The following HNRNPLL variants were observed in gnomAD, a reference collection of about 807,000 sequenced individuals.
HNRNPLL encodes heterogeneous nuclear ribonucleoprotein L-like.
A neutral mutation model predicts 67.1 loss-of-function variants in HNRNPLL; 25 were observed. The ratio of observed to expected loss-of-function variants is 0.37; its 90% CI spans 0.27 to 0.52. HNRNPLL has a LOEUF of 0.52. Ranked by LOEUF, HNRNPLL falls within the 20% of genes least tolerant of loss-of-function variation. HNRNPLL has a pLI of 0.90. For missense variants in HNRNPLL, 542 were observed against 673.9 expected, an observed-to-expected ratio of 0.80 and a Z score of 2.17; for synonymous variants, 267 against 241.7, an observed-to-expected ratio of 1.10 and a Z score of -0.97.
At position 38,591,618 on chromosome 2, in the gene HNRNPLL, CAG is replaced by C; in HGVS notation, c.218_219del (p.Ser73CysfsTer12). ...PEAGGSHHKV[S>X]VSPVVHVRGL... ...CCTCGAACATGGACGACGGGTGAAA[CAG>C]AAACTTTATGATGACTTCCACCTGC... is the stretch of plus-strand genomic sequence containing the variant. On this transcript the variant is annotated frameshift_variant, in exon 2 of 13. Coordinates refer to ENST00000449105, the MANE Select transcript of HNRNPLL (RefSeq NM_138394.4). LOFTEE classifies it high-confidence loss of function. The C allele has an allele frequency of 6.2e-7, 1 of 1,613,268 alleles. No homozygotes were observed. The highest frequency in any genetic ancestry group is 8.5e-7 in the Non-Finnish European group (1 of 1,179,258).
At chr2:38,569,666 T>C in intron 9 of HNRNPLL, 138 bp downstream of exon 9, 2 of 544,070 alleles carry the variant, frequency 3.7e-6, no homozygotes, top group Non-Finnish European at 3.2e-6. Flanking sequence ...TTGTCTAAAA[T>C]AACAATATTA....
In HNRNPLL at chr2:38,585,832, T is replaced by G; in HGVS notation, c.358A>C (p.Asn120His). The change falls in exon 3 of 13, where the codon AAC becomes CAC. Residue 120 changes from asparagine to histidine, a missense_variant. Coordinates refer to ENST00000449105, the MANE Select transcript of HNRNPLL (RefSeq NM_138394.4). The stretch of plus-strand genomic sequence containing the variant: ...ACACATTCTTTGGCACTATCTATGT[T>G]TTCAAATTCCACTAGAGCCTGTCGT... ...FKRQALVEFENIDSAKECVTF... is the reference protein window; with the variant it reads ...FKRQALVEFEHIDSAKECVTF... 6.2e-7 allele frequency: 1 copy of G among 1,613,994 alleles called. No homozygotes were observed.
chr2:38,593,932 T>C (rs1558545739), intron 1 of HNRNPLL, among the ~76,000 whole-genome samples: 3 of 150,126 alleles, frequency 2.0e-5, no homozygotes, highest in Admixed American at 6.7e-5. Flanking sequence ...CCCACCACTA[T>C]GGGAGGCGAA....
intron 12 of HNRNPLL, among the ~76,000 whole-genome samples, chr2:38,565,242 ACACTG>A (rs539101217): frequency 6.6e-4 from 100 of 152,334 alleles, no homozygotes; most frequent in African/African-American, 2.4e-3. Flanking sequence ...TGTGTACAAG[ACACTG>A]CAGAGGATAA....
At chr2:38,591,501 A>C (rs752021986) in intron 2 of HNRNPLL, 29 bp downstream of exon 2, 10 of 1,110,594 alleles carry the variant, frequency 9.0e-6, no homozygotes, top group Non-Finnish European at 1.4e-5. Flanking sequence ...CACAGTTTTC[A>C]ATCTACATGA....
At chr2:38,586,757 G>A (rs550341959) in intron 2 of HNRNPLL, among the ~76,000 whole-genome samples, 112 of 152,152 alleles carry the variant, frequency 7.4e-4, no homozygotes, top group African/African-American at 2.6e-3. Context: ...ATTAGAATAC[G>A]GCAATCAGGA....
At chr2:38,582,553 G>T (rs969121322) in intron 4 of HNRNPLL, among the ~76,000 whole-genome samples, 2 of 152,038 alleles carry the variant, frequency 1.3e-5, no homozygotes, top group Non-Finnish European at 2.9e-5. Flanking sequence ...TTCGTGATCC[G>T]CCCGCCTCGG....
At chr2:38,569,089 A>AG in intron 10 of HNRNPLL, 44 bp downstream of exon 10, 1 of 1,329,046 alleles carries the variant, frequency 7.5e-7, no homozygotes, top group South Asian at 1.2e-5. Flanking sequence ...ATTTTAAAAT[A>AG]GGAAATAGCA....
At position 38,577,479 on chromosome 2, in the gene HNRNPLL, A is replaced by G. The variant is rs1238270554; in HGVS notation, c.856T>C (p.Phe286Leu). The G allele has an allele frequency of 8.7e-6, 14 of 1,607,200 alleles. No homozygotes were observed. The highest frequency in any genetic ancestry group is 1.2e-5 in the Non-Finnish European group (14 of 1,174,012). ...QAILGEHPSS[F>L]RHDGYGSHGP... ...AACTTACCATAGCCATCATGTCTAAACGAAGAAGGGTGTTCTCCCAAAATG... is the reference window on the plus strand; with the variant it reads ...AACTTACCATAGCCATCATGTCTAAGCGAAGAAGGGTGTTCTCCCAAAATG... The change falls in exon 7 of 13, where the codon TTT becomes CTT. Residue 286 changes from phenylalanine to leucine, a missense_variant. Around this residue, in one of 2 missense-constraint regions of HNRNPLL, gnomAD observed 415 missense variants for 575.2 expected, o/e 0.72. Coordinates refer to ENST00000449105, the MANE Select transcript of HNRNPLL (RefSeq NM_138394.4).
intron 6 of HNRNPLL, among the ~76,000 whole-genome samples, chr2:38,580,424 T>A (rs1210140067): frequency 6.6e-6 from 1 of 152,218 alleles, no homozygotes; most frequent in East Asian, 1.9e-4. Flanking sequence ...AAGGAGCCAA[T>A]CATCTAAAAG....
intron 6 of HNRNPLL, 143 bp downstream of exon 6, chr2:38,581,770 A>T: frequency 1.5e-6 from 1 of 649,334 alleles, no homozygotes; most frequent in Non-Finnish European, 2.7e-6. Context: ...ATTTTCCAGC[A>T]TTACATGGCC....
chr2:38,588,495 G>A (rs1021143217), intron 2 of HNRNPLL, among the ~76,000 whole-genome samples: 1 of 137,344 alleles, frequency 7.3e-6, no homozygotes, highest in East Asian at 2.1e-4. Context: ...GTTGCAGTGA[G>A]CCAAGATCGC....
chr2:38,587,982 T>C lies in HNRNPLL; in HGVS notation c.309-2101A>G, dbSNP rs114057183. 2.2e-3 allele frequency among the ~76,000 whole-genome samples: 339 copies of C among 152,100 alleles called. No individual in the cohort carries two copies. In the Middle Eastern group the frequency reaches 0.024, roughly 11 times the overall value. ...GCGCGCTCTCTCTCCTCTCTTTTTTTTCTCTCTCTCTCCTGCTGGCTATGT... is the reference window on the plus strand; with the variant it reads ...GCGCGCTCTCTCTCCTCTCTTTTTTCTCTCTCTCTCTCCTGCTGGCTATGT... On this transcript the variant is annotated intron_variant, in intron 2 of 12. Coordinates refer to ENST00000449105, the MANE Select transcript of HNRNPLL (RefSeq NM_138394.4).
chr2:38,573,323 T>C lies in HNRNPLL; in HGVS notation c.979A>G (p.Met327Val), dbSNP rs1558532350. The change falls in exon 8 of 13, where the codon ATG becomes GTG. Residue 327 changes from methionine (M) to valine (V), a missense_variant. Transcript: ENST00000449105. ...YPLPQASSSY[M>V]HGGNPSGSVV... Reference sequence around the variant, plus strand: ...GAACCAGAGGGATTTCCTCCATGCATGTAAGAGGAAGAAGCCTGTGGTAAT... The same window carrying C: ...GAACCAGAGGGATTTCCTCCATGCACGTAAGAGGAAGAAGCCTGTGGTAAT... 6.2e-7 allele frequency: 1 copy of C among 1,611,754 alleles called. No individual in the cohort carries two copies. The highest frequency in any genetic ancestry group is 8.5e-7 in the Non-Finnish European group (1 of 1,178,416).
chr2:38,598,698 G>GT (rs985299696), intron 1 of HNRNPLL, among the ~76,000 whole-genome samples: 5 of 152,228 alleles, frequency 3.3e-5, no homozygotes, highest in African/African-American at 1.2e-4. Context: ...GAAAAAGTTT[G>GT]TAAGCAGAGC....
chr2:38,599,301 A>G (rs1388952453), intron 1 of HNRNPLL, among the ~76,000 whole-genome samples: 1 of 152,250 alleles, frequency 6.6e-6, no homozygotes, highest in African/African-American at 2.4e-5. Context: ...AGCAGAAAAC[A>G]GAAAAACTTT....
chr2:38,591,781 G>C (rs1666966879), intron 1 of HNRNPLL, 133 bp from the exon 2 acceptor site: 3 of 521,496 alleles, frequency 5.8e-6, no homozygotes, highest in Admixed American at 3.1e-5. Flanking sequence ...TTCGAGACCA[G>C]CCTGGCCAAC....
At chr2:38,578,424 G>A (rs1029493791) in intron 6 of HNRNPLL, among the ~76,000 whole-genome samples, 1 of 151,976 alleles carries the variant, frequency 6.6e-6, no homozygotes, top group African/African-American at 2.4e-5. Context: ...AAATTACAGT[G>A]CCCAATAAGA....
At chr2:38,591,450 A>C (rs928279672) in intron 2 of HNRNPLL, 80 bp downstream of exon 2, 3 of 805,066 alleles carry the variant, frequency 3.7e-6, no homozygotes, top group Admixed American at 3.7e-5. Context: ...TTACTATGCT[A>C]AACATCAAGG....
Sources: gnomAD v4.1 joint callset for allele counts (sites outside exome capture counted in the v4.1 genomes callset) on GRCh38, gnomAD v4.1.1 for gene constraint, gnomAD v4.1.1 regional missense constraint, MANE v1.5 for transcripts, NCBI Gene and HGNC (gene_info 2026-07-23, HGNC 2026-07-21) for gene names.